The following NOD1 variants were observed in gnomAD, a reference collection of about 807,000 sequenced individuals.
NOD1 encodes nucleotide-binding oligomerization domain-containing protein 1.
A neutral mutation model predicts 81.2 loss-of-function variants in NOD1; 70 were observed. The observed-to-expected ratio is 0.86, with a 90% confidence interval of 0.71 to 1.05. NOD1 has a LOEUF of 1.05. NOD1 is among the 50% of genes least tolerant of loss of function. The pLI is 0.00. For missense variants in NOD1, 1,233 were observed against 1,228.0 expected (o/e 1.00, Z -0.06); for synonymous variants, 508 against 526.9 (o/e 0.96, Z 0.49).
chr7:30,477,565 A>G (rs1168184340), intron 1 of NOD1, among the ~76,000 whole-genome samples: 1 of 151,964 alleles, frequency 6.6e-6, no homozygotes, highest in Non-Finnish European at 1.5e-5. Flanking sequence ...CCCAGGCTGG[A>G]GCGCAACAGG....
chr7:30,439,263 C>T (rs1011069938), intron 9 of NOD1, among the ~76,000 whole-genome samples: 1 of 141,190 alleles, frequency 7.1e-6, no homozygotes, highest in Non-Finnish European at 1.5e-5. Context: ...CCAAGATGGC[C>T]GAATAGGAAC....
chr7:30,461,471 C>A (rs544546983), intron 1 of NOD1, among the ~76,000 whole-genome samples: 2 of 152,316 alleles, frequency 1.3e-5, no homozygotes, highest in African/African-American at 4.8e-5. Flanking sequence ...AGCCACTGCA[C>A]CCAGCCCATC....
In NOD1 at chr7:30,425,284, A is replaced by G. The variant is rs371898306; in HGVS notation, c.*354T>C. The G allele has an allele frequency of 2.4e-5, 6 of 247,876 alleles. No individual in the cohort carries two copies. The highest frequency in any genetic ancestry group is 1.3e-4 in the African/African-American group (6 of 44,916). The allele number at this position is 247,876 out of a possible 1,614,324, so 15.4% of individuals were successfully genotyped here. A position where few individuals can be genotyped will look rare whatever the true frequency, so the allele number is the denominator to read the frequency against. ...GACCAACTCGCTCCCGTTGGTCCCT[A>G]TGGCAGGTGTTGGAATGAGGTGAGG... is the stretch of plus-strand genomic sequence containing the variant. On this transcript the variant is annotated 3_prime_UTR_variant, in exon 14 of 14. Coordinates refer to ENST00000222823, the MANE Select transcript of NOD1 (RefSeq NM_006092.4).
chr7:30,457,304 T>G (rs1786484022), intron 3 of NOD1, among the ~76,000 whole-genome samples: 1 of 151,946 alleles, frequency 6.6e-6, no homozygotes, highest in South Asian at 2.1e-4. Flanking sequence ...ATAAAAAAAA[T>G]TAGCCAGGCA....
In NOD1 at chr7:30,448,355, C is replaced by T; in HGVS notation, c.2228G>A (p.Gly743Asp). 6.2e-7 allele frequency: 1 copy of T among 1,614,180 alleles called. No individual in the cohort carries two copies. The change falls in exon 7 of 14, where the codon GGT becomes GAT. Residue 743 changes from glycine (G) to aspartate (D), a missense_variant. Transcript: ENST00000222823. ...LRLSVNQITD[G>D]GVKVLSEELT... ...CTCTTCGCTTAGCACCTTTACCCCACCGTCAGTGATCTGGTTTACGCTGAG... is the reference window on the plus strand; with the variant it reads ...CTCTTCGCTTAGCACCTTTACCCCATCGTCAGTGATCTGGTTTACGCTGAG...
intron 3 of NOD1, 73 bp from the exon 4 acceptor site, chr7:30,457,115 G>T: frequency 1.7e-6 from 1 of 592,426 alleles, no homozygotes; most frequent in Non-Finnish European, 3.0e-6. Flanking sequence ...CACTGGTTGT[G>T]GGGTTTCTCT....
At chr7:30,476,446 C>T (rs1218751141) in intron 1 of NOD1, among the ~76,000 whole-genome samples, 1 of 152,186 alleles carries the variant, frequency 6.6e-6, no homozygotes, top group Non-Finnish European at 1.5e-5. Context: ...GTTCTCCCTT[C>T]CTCAGATCCC....
chr7:30,471,039 G>A (rs1428637756), intron 1 of NOD1, among the ~76,000 whole-genome samples: 1 of 149,148 alleles, frequency 6.7e-6, no homozygotes, highest in Non-Finnish European at 1.5e-5. Flanking sequence ...CAAAGTGGGA[G>A]TTGAAACCGG....
rs756705562 is a variant in NOD1, at chr7:30,453,059, A to C, written c.377-19T>G. 1.9e-6 allele frequency: 3 copies of C among 1,587,012 alleles called. No individual in the cohort carries two copies. The highest frequency in any genetic ancestry group is 2.3e-5 in the South Asian group (2 of 86,674). On this transcript the variant is annotated intron_variant, in intron 5 of 13. Transcript: ENST00000222823. ...CTGCTCACTGGAGGGAGGGGGTGGCAGGGCACAGCAGCAGGGTGAGGAGAG... is the reference window on the plus strand; with the variant it reads ...CTGCTCACTGGAGGGAGGGGGTGGCCGGGCACAGCAGCAGGGTGAGGAGAG...
chr7:30,446,871 A>G lies in NOD1; in HGVS notation c.2369+96T>C, dbSNP rs988846705. On this transcript the variant is annotated intron_variant, in intron 8 of 13. Transcript: ENST00000222823. ...GGCCCTGGGACAAGTGGAAGGCTTT[A>G]GGATGAAAGCTCTTTACTGTGACAT... 19 of 989,772 alleles carry G rather than the reference A, an allele frequency of 1.9e-5. No individual in the cohort carries two copies. In the Middle Eastern group the frequency reaches 6.5e-4, roughly 34 times the overall value. 61.3% of individuals were successfully genotyped at this position (989,772 alleles called of 1,614,324 possible). A position where few individuals can be genotyped will look rare whatever the true frequency, so the allele number is the denominator to read the frequency against.
Position 30,478,773 on chromosome 7 carries a change from G to C in NOD1, c.-519C>G, listed in dbSNP as rs968226983. The C allele has an allele frequency of 6.6e-6, 1 of 152,234 alleles. No homozygotes were observed. The highest frequency in any genetic ancestry group is 2.1e-4 in the South Asian group (1 of 4,836). 9.4% of individuals were successfully genotyped at this position (152,234 alleles called of 1,614,324 possible). On this transcript the variant is annotated 5_prime_UTR_variant, in exon 1 of 14. Coordinates refer to ENST00000222823, the MANE Select transcript of NOD1 (RefSeq NM_006092.4). This position sits in a 1 kb window ranked among gnomAD's most constrained non-coding sequence, Gnocchi z 4.1. ...ACCGGGGCGGCTGCCTCGCGGGCCC[G>C]GAACGGGAACTGGCTGCGACTACAG...
chr7:30,456,200 G>A (rs1466188907), intron 4 of NOD1, among the ~76,000 whole-genome samples: 3 of 152,184 alleles, frequency 2.0e-5, no homozygotes, highest in Non-Finnish European at 4.4e-5. Flanking sequence ...GAAGGAATTT[G>A]TGGTCTCCAT....
At chr7:30,460,510 T>C (rs2128081922) in intron 1 of NOD1, 1 of 985,246 alleles carries the variant, frequency 1.0e-6, no homozygotes, top group Non-Finnish European at 1.2e-6. Flanking sequence ...GGGACTGAAG[T>C]TGGAGATCCT....
intron 1 of NOD1, among the ~76,000 whole-genome samples, chr7:30,473,133 C>A (rs1220913388): frequency 5.3e-5 from 8 of 152,182 alleles, no homozygotes; most frequent in African/African-American, 1.7e-4. Context: ...CAATTACTAC[C>A]TCATTATCAG....
chr7:30,438,609 C>T (rs935289451), intron 9 of NOD1, among the ~76,000 whole-genome samples: 26 of 152,240 alleles, frequency 1.7e-4, no homozygotes, highest in Admixed American at 1.4e-3. Flanking sequence ...AAGCAAACTA[C>T]CTGCTTACAC....
In NOD1 at chr7:30,451,901, G is replaced by A. The variant is rs764576890; in HGVS notation, c.1516C>T (p.Pro506Ser). Residue 506 changes from proline to serine, a missense_variant, in exon 6 of 14, where the codon CCC becomes TCC. Transcript: ENST00000222823. This position sits in a 1 kb window ranked among gnomAD's most constrained non-coding sequence, Gnocchi z 4.2. The part of the protein sequence containing the change: ...GFLRALPELG[P>S]GGDQQSYEFF... The stretch of plus-strand genomic sequence containing the variant: ...TCATAGGACTGCTGGTCACCCCCGG[G>A]GCCCAGCTCCGGCAAAGCCCGCAGG... The A allele has an allele frequency of 3.0e-5, 48 of 1,613,464 alleles. No individual in the cohort carries two copies. The highest frequency in any genetic ancestry group is 4.1e-5 in the Non-Finnish European group (48 of 1,179,990).
Position 30,456,722 on chromosome 7 carries a change from T to C in NOD1, c.200A>G (p.Lys67Arg). Residue 67 changes from lysine (K) to arginine (R), a missense_variant and splice_region_variant, in exon 4 of 14, where the codon AAG becomes AGG. By Grantham distance (26) the Lys-to-Arg change is conservative (BLOSUM62 2). Transcript: ENST00000222823. The stretch of plus-strand genomic sequence containing the variant: ...TGCCCGTCCCTGTCCCCGGGGCACC[T>C]TGTCAGGCTGGGTGGGGCAGGCACA... ...IVCACPTQPDKVRKILDLVQS... is the reference protein window; with the variant it reads ...IVCACPTQPDRVRKILDLVQS... The C allele has an allele frequency of 6.2e-7, 1 of 1,613,734 alleles. No homozygotes were observed. Among genetic ancestry groups the C allele is most frequent in the Non-Finnish European group, 8.5e-7 (1 of 1,179,960 alleles).
chr7:30,477,872 T>A (rs915754341), intron 1 of NOD1, among the ~76,000 whole-genome samples: 9 of 137,872 alleles, frequency 6.5e-5, no homozygotes, highest in African/African-American at 2.7e-4. Flanking sequence ...GCCATGGGTT[T>A]ACTAGCTTAG....
chr7:30,461,401 C>T (rs1467587305), intron 1 of NOD1, among the ~76,000 whole-genome samples: 6 of 152,200 alleles, frequency 3.9e-5, no homozygotes, highest in Non-Finnish European at 7.3e-5. Flanking sequence ...TGGTCTTGAA[C>T]TCCTGGCCTC....
Sources: allele counts gnomAD v4.1 joint callset (sites outside exome capture counted in the v4.1 genomes callset), GRCh38; gene constraint gnomAD v4.1.1; non-coding constraint Gnocchi (gnomAD v3.1); transcripts MANE v1.5; gene names NCBI Gene and HGNC (gene_info 2026-07-23, HGNC 2026-07-21).